Variants in ITPR2 observed in about 807,000 individuals in gnomAD.
ITPR2 encodes the protein inositol 1,4,5-trisphosphate-gated calcium channel ITPR2.
In ITPR2, 207 loss-of-function variants were observed where a neutral mutation model predicts 317.1. The observed-to-expected ratio is 0.65, with a 90% CI of 0.58 to 0.73. The LOEUF (loss-of-function observed/expected upper bound fraction) is 0.73. Ranked by LOEUF, ITPR2 falls within the 30% of genes least tolerant of loss-of-function variation. The pLI is 0.00. For missense variants in ITPR2, 2,613 were observed against 3,284.0 expected (o/e 0.80, Z 4.99); for synonymous variants, 1,156 against 1,149.1 (o/e 1.01, Z -0.12).
rs1285280236 is a variant in ITPR2 at position 26,724,680 on chromosome 12, A to G, written c.342T>C (p.Ile114=). The change falls in exon 4 of 57, where the codon ATT becomes ATC. Residue 114 remains isoleucine, a synonymous_variant. Coordinates refer to ENST00000381340, the MANE Select transcript of ITPR2 (RefSeq NM_002223.4). ...CTTGTATAACATTACTGTATTTTAC[A>G]ATTTCTCCCAACAGTTTCTTATTCT... ...ESENKKLLGE[I]VKYSNVIQLL... is the part of the protein sequence containing the mutation. 6.3e-7 allele frequency: 1 copy of G among 1,598,418 alleles called. No homozygotes were observed. The highest frequency in any genetic ancestry group is 8.6e-7 in the Non-Finnish European group (1 of 1,167,630).
intron 21 of ITPR2, among the ~76,000 whole-genome samples, chr12:26,634,065 G>A (rs974240641): frequency 1.2e-4 from 18 of 152,216 alleles, no homozygotes; most frequent in Non-Finnish European, 2.4e-4. Flanking sequence ...TGAAATGGGA[G>A]GGTTCACTCA....
chr12:26,685,926 T>C (rs1042167932), intron 11 of ITPR2, among the ~76,000 whole-genome samples: 4 of 152,182 alleles, frequency 2.6e-5, no homozygotes, highest in Non-Finnish European at 1.5e-5. Context: ...ATACCCTCCA[T>C]TTTTTCTTCA....
intron 2 of ITPR2, among the ~76,000 whole-genome samples, chr12:26,763,721 T>C (rs1949675136): frequency 6.6e-6 from 1 of 152,148 alleles, no homozygotes. Flanking sequence ...TTCTCCATTC[T>C]TTTACTTGCA....
intron 52 of ITPR2, among the ~76,000 whole-genome samples, chr12:26,408,408 G>C (rs927462028): frequency 6.6e-6 from 1 of 152,110 alleles, no homozygotes. Flanking sequence ...TAGTAATAAC[G>C]TATGAAATAA....
Position 26,522,844 on chromosome 12 carries a change from G to T in ITPR2, c.5073+27403C>A, listed in dbSNP as rs532739708. Among the ~76,000 whole-genome samples, 3 of 150,534 alleles carry T rather than the reference G, an allele frequency of 2.0e-5. No homozygotes were observed. The South Asian group carries it at 6.2e-4, about 31-fold the overall frequency. On this transcript the variant is annotated intron_variant, in intron 37 of 56. Transcript: ENST00000381340. ...AAAAAAAGCCATGCTTCCACGGCGGGGGGGGAACCCCACAACAACACCGGT... is the reference window on the plus strand; with the variant it reads ...AAAAAAAGCCATGCTTCCACGGCGGTGGGGGAACCCCACAACAACACCGGT...
At chr12:26,650,208 T>G (rs138858949) in intron 21 of ITPR2, among the ~76,000 whole-genome samples, 34 of 152,160 alleles carry the variant, frequency 2.2e-4, no homozygotes, top group Non-Finnish European at 4.4e-4. Context: ...GGTAACAACT[T>G]TTCCAAGAAA....
chr12:26,570,735 G>A (rs1459644577), intron 34 of ITPR2, among the ~76,000 whole-genome samples: 3 of 152,180 alleles, frequency 2.0e-5, no homozygotes, highest in African/African-American at 7.2e-5. Context: ...TAATATGGAA[G>A]TAATTCTTGG....
intron 45 of ITPR2, among the ~76,000 whole-genome samples, chr12:26,474,793 C>CAA (rs10616680): frequency 0.038 from 3,178 of 82,752 alleles, 183 homozygotes; most frequent in Non-Finnish European, 0.049. Flanking sequence ...GACTCCGTCT[C>CAA]AAAAAAAAAA....
chr12:26,765,301 C>A (rs1949700792), intron 2 of ITPR2, among the ~76,000 whole-genome samples: 1 of 152,048 alleles, frequency 6.6e-6, no homozygotes, highest in African/African-American at 2.4e-5. Context: ...AATGTGTGTA[C>A]TCATGAGTAA....
At chr12:26,762,300 A>G (rs1949649533) in intron 2 of ITPR2, among the ~76,000 whole-genome samples, 1 of 152,250 alleles carries the variant, frequency 6.6e-6, no homozygotes, top group Non-Finnish European at 1.5e-5. Flanking sequence ...ACATTAAATC[A>G]TTCTCAAAAG....
At chr12:26,710,871 T>TA (rs1351218920) in intron 9 of ITPR2, among the ~76,000 whole-genome samples, 1 of 152,200 alleles carries the variant, frequency 6.6e-6, no homozygotes, top group Non-Finnish European at 1.5e-5. Context: ...AGGGTGAAGC[T>TA]AAATAGAAAA....
chr12:26,415,415 A>AGTT lies in ITPR2; in HGVS notation c.7191_7193dup (p.Thr2398dup). ...AGACGAGGATGAGAGCCAGGACTGC[A>AGTT]GTTAGAATAATAGAGCGGCCATTTC... On this transcript the variant is annotated inframe_insertion, in exon 51 of 57. Coordinates refer to ENST00000381340, the MANE Select transcript of ITPR2 (RefSeq NM_002223.4). 1 of 1,613,064 alleles carries AGTT rather than the reference A, an allele frequency of 6.2e-7. No homozygotes were observed. The highest frequency in any genetic ancestry group is 8.5e-7 in the Non-Finnish European group (1 of 1,179,286).
intron 13 of ITPR2, among the ~76,000 whole-genome samples, chr12:26,676,141 G>C (rs1018619574): frequency 2.0e-5 from 3 of 151,850 alleles, no homozygotes; most frequent in African/African-American, 4.8e-5. Flanking sequence ...CTGGGCGACA[G>C]AGCAAGACTC....
intron 1 of ITPR2, among the ~76,000 whole-genome samples, chr12:26,819,699 G>A (rs1284340354): frequency 6.6e-6 from 1 of 151,722 alleles, no homozygotes; most frequent in African/African-American, 2.4e-5. Flanking sequence ...CTTTGAACAC[G>A]TAAAAACAAA....
At chr12:26,556,561 TTTTTTTG>T (rs1160897205) in intron 35 of ITPR2, among the ~76,000 whole-genome samples, 186 bp from the exon 36 acceptor site, 10 of 90,388 alleles carry the variant, frequency 1.1e-4, no homozygotes, top group Admixed American at 1.9e-4. Flanking sequence ...TCTCTATTTT[TTTTTTTG>T]TGTGTGTGTG....
chr12:26,798,024 T>C (rs561942669), intron 1 of ITPR2, among the ~76,000 whole-genome samples: 1 of 152,152 alleles, frequency 6.6e-6, no homozygotes, highest in South Asian at 2.1e-4. Flanking sequence ...CAGAACTTTA[T>C]CACAAATAAC....
intron 55 of ITPR2, among the ~76,000 whole-genome samples, chr12:26,368,345 A>G (rs1443989467): frequency 6.6e-6 from 1 of 152,234 alleles, no homozygotes; most frequent in Non-Finnish European, 1.5e-5. Context: ...TAAAAGGTCT[A>G]TCTTAGATCT....
intron 23 of ITPR2, among the ~76,000 whole-genome samples, 171 bp downstream of exon 23, chr12:26,627,862 G>A (rs1725517560): frequency 6.6e-6 from 1 of 151,998 alleles, no homozygotes; most frequent in Admixed American, 6.6e-5. Flanking sequence ...CATGGCACGT[G>A]TATACCTATG....
chr12:26,415,200 G>T, intron 51 of ITPR2, 103 bp downstream of exon 51: 2 of 767,466 alleles, frequency 2.6e-6, no homozygotes, highest in East Asian at 2.6e-5. Context: ...AGGAATAAAA[G>T]AAAACATTTC....
Sources: gnomAD v4.1 joint callset for allele counts (sites outside exome capture counted in the v4.1 genomes callset) on GRCh38, gnomAD v4.1.1 for gene constraint, MANE v1.5 for transcripts, NCBI Gene and HGNC (gene_info 2026-07-23, HGNC 2026-07-21) for gene names.